SLC44A1: variants seen among roughly 807,000 people sequenced by gnomAD.
The protein encoded by SLC44A1 is solute carrier family 44 member 1.
A neutral mutation model predicts 79.3 loss-of-function variants in SLC44A1; 26 were observed. The ratio of observed to expected loss-of-function variants is 0.33; its 90% CI spans 0.24 to 0.46. The LOEUF (loss-of-function observed/expected upper bound fraction) is 0.46. Among genes scored for constraint, SLC44A1 ranks in the 20% least tolerant of loss-of-function variants. The pLI is 1.00. For synonymous variants in SLC44A1, 263 were observed against 286.2 expected (o/e 0.92, Z 0.82); for missense variants, 688 against 798.1 (o/e 0.86, Z 1.66).
rs547975516 is a variant in SLC44A1, at chr9:105,352,206, A to G, written c.500+3755A>G. Reference sequence around the variant, plus strand: ...TCGTAATTCCTGCCTTTACTGTACTATAGAGATATTGCCAGAATACTTTAT... The same window carrying G: ...TCGTAATTCCTGCCTTTACTGTACTGTAGAGATATTGCCAGAATACTTTAT... On this transcript the variant is annotated intron_variant, in intron 5 of 15. Transcript: ENST00000374720. Among the ~76,000 whole-genome samples the G allele has an allele frequency of 1.4e-3, 209 of 152,354 alleles. 1 individual carries two copies. The highest frequency in any genetic ancestry group is 4.7e-3 in the African/African-American group (196 of 41,586).
chr9:105,344,739 G>T (rs535095157), intron 4 of SLC44A1, among the ~76,000 whole-genome samples: 6 of 152,180 alleles, frequency 3.9e-5, no homozygotes, highest in South Asian at 2.1e-4. Flanking sequence ...AAGGCATAAG[G>T]TTCGAGTTCT....
chr9:105,255,193 T>C (rs1441635260), intron 1 of SLC44A1, among the ~76,000 whole-genome samples: 2 of 151,692 alleles, frequency 1.3e-5, no homozygotes, highest in Non-Finnish European at 2.9e-5. Context: ...ATAAAATGCA[T>C]CCTTGCAATA....
chr9:105,409,137 CAG>C (rs1829065206), intron 15 of SLC44A1, among the ~76,000 whole-genome samples: 1 of 152,148 alleles, frequency 6.6e-6, no homozygotes, highest in African/African-American at 2.4e-5. Flanking sequence ...AGTTAAAAGG[CAG>C]AGTTAGTGGC....
At chr9:105,338,407 GT>G (rs1175353344) in intron 4 of SLC44A1, among the ~76,000 whole-genome samples, 1 of 151,846 alleles carries the variant, frequency 6.6e-6, no homozygotes, top group Admixed American at 6.6e-5. Flanking sequence ...AAGTTATCTG[GT>G]TTTTTTCTTT....
intron 12 of SLC44A1, among the ~76,000 whole-genome samples, chr9:105,370,398 G>C (rs1226494965): frequency 6.6e-6 from 1 of 152,080 alleles, no homozygotes; most frequent in Admixed American, 6.5e-5. Context: ...TGAATACAAA[G>C]GAATTGCATA....
At chr9:105,427,463 A>C (rs1466145595) in intron 15 of SLC44A1, among the ~76,000 whole-genome samples, 1 of 152,096 alleles carries the variant, frequency 6.6e-6, no homozygotes, top group Non-Finnish European at 1.5e-5. Flanking sequence ...TTATAGAGAC[A>C]GAGGTCTCAC....
chr9:105,248,990 TG>T (rs1333254312), intron 1 of SLC44A1, among the ~76,000 whole-genome samples: 2 of 152,220 alleles, frequency 1.3e-5, no homozygotes, highest in Admixed American at 6.5e-5. Context: ...TGAAGTTCTG[TG>T]TCCTTCAGTT....
At chr9:105,299,869 T>A in intron 2 of SLC44A1, 1 of 986,112 alleles carries the variant, frequency 1.0e-6, no homozygotes, top group Non-Finnish European at 1.2e-6. Flanking sequence ...ATCTTTCAAT[T>A]AGAGATCAAG....
intron 15 of SLC44A1, among the ~76,000 whole-genome samples, chr9:105,435,038 T>G (rs919077840): frequency 6.6e-5 from 10 of 151,960 alleles, no homozygotes; most frequent in African/African-American, 2.2e-4. Context: ...CCCCAGCTAC[T>G]CAGAAGGCTG....
Position 105,393,323 on chromosome 9 carries a change from C to G in SLC44A1, c.*4267C>G, listed in dbSNP as rs934556512. The G allele has an allele frequency of 1.0e-6, 1 of 985,264 alleles. No individual in the cohort carries two copies. The highest frequency in any genetic ancestry group is 1.2e-6 in the Non-Finnish European group (1 of 829,922). The allele number at this position is 985,264 out of a possible 1,614,324, so 61.0% of individuals were successfully genotyped here. A position where few individuals can be genotyped will look rare whatever the true frequency, so the allele number is the denominator to read the frequency against. ...ACTCATCTTTGTTAACTTAGTGGCA[C>G]ATAGTCCAAATTTTTAAAAAGCAAG... On this transcript the variant is annotated 3_prime_UTR_variant, in exon 16 of 16. Coordinates refer to ENST00000374720, the MANE Select transcript of SLC44A1 (RefSeq NM_080546.5).
Position 105,361,315 on chromosome 9 carries a change from AGCTACAGT to A in SLC44A1, c.887_894del (p.Ala296ValfsTer71). On this transcript the variant is annotated frameshift_variant, in exon 8 of 16. Transcript: ENST00000374720. LOFTEE classifies it high-confidence loss of function. Reference sequence around the variant, plus strand: ...GGGCCCTCCTCATTTATGCCATTTCAGCTACAGTGTTCACAGTGAGTTTAGGCTTTGGC... The same window carrying A: ...GGGCCCTCCTCATTTATGCCATTTCAGTTCACAGTGAGTTTAGGCTTTGGC... 6.2e-7 allele frequency: 1 copy of A among 1,610,464 alleles called. No individual in the cohort carries two copies. The highest frequency in any genetic ancestry group is 8.5e-7 in the Non-Finnish European group (1 of 1,178,600).
intron 1 of SLC44A1, among the ~76,000 whole-genome samples, chr9:105,255,826 A>G (rs1158946898): frequency 6.6e-6 from 1 of 152,230 alleles, no homozygotes; most frequent in African/African-American, 2.4e-5. Context: ...GAGTTTCACC[A>G]GCTATAAAAT....
chr9:105,390,042 A>G lies in SLC44A1; in HGVS notation c.*986A>G, dbSNP rs1588861727. On this transcript the variant is annotated 3_prime_UTR_variant, in exon 16 of 16. Coordinates refer to ENST00000374720, the MANE Select transcript of SLC44A1 (RefSeq NM_080546.5). The stretch of plus-strand genomic sequence containing the variant: ...CGGCCATTTTATTCAAATGCTTGCT[A>G]TACAATCTGAAAACACACTGGCAGG... The G allele has an allele frequency of 2.0e-5, 26 of 1,313,810 alleles. No individual in the cohort carries two copies. The South Asian group carries it at 6.3e-4, about 32-fold the overall frequency. The allele number at this position is 1,313,810 out of a possible 1,614,324, so 81.4% of individuals were successfully genotyped here.
intron 13 of SLC44A1, among the ~76,000 whole-genome samples, chr9:105,376,905 A>C (rs886132958): frequency 5.1e-4 from 78 of 152,276 alleles, no homozygotes; most frequent in African/African-American, 1.8e-3. Flanking sequence ...AAATTGGCCA[A>C]ATTTAGAGAA....
At chr9:105,397,632 A>G (rs1828900672), downstream of SLC44A1, among the ~76,000 whole-genome samples, 1 of 152,196 alleles carries the variant, frequency 6.6e-6, no homozygotes, top group Non-Finnish European at 1.5e-5. Flanking sequence ...ACTGAACTCA[A>G]TCATCAGGCA....
intron 3 of SLC44A1, among the ~76,000 whole-genome samples, chr9:105,310,876 G>A (rs547311384): frequency 6.6e-6 from 1 of 152,314 alleles, no homozygotes; most frequent in Admixed American, 6.5e-5. Context: ...AAACAAAATT[G>A]TAAATAACAG....
At chr9:105,342,027 A>T (rs976889871) in intron 4 of SLC44A1, among the ~76,000 whole-genome samples, 9 of 152,206 alleles carry the variant, frequency 5.9e-5, no homozygotes, top group African/African-American at 2.2e-4. Flanking sequence ...TCAGCAGGGC[A>T]TGAATTCCAT....
chr9:105,308,232 A>G (rs1831084163), intron 2 of SLC44A1, among the ~76,000 whole-genome samples: 2 of 152,202 alleles, frequency 1.3e-5, no homozygotes, highest in Non-Finnish European at 2.9e-5. Context: ...CCCTTATAGC[A>G]TATTCTCATT....
intron 15 of SLC44A1, among the ~76,000 whole-genome samples, chr9:105,435,168 A>C (rs375955818): frequency 1.4e-4 from 22 of 152,112 alleles, no homozygotes; most frequent in East Asian, 9.6e-4. Flanking sequence ...CAAAACAAAA[A>C]AAAAAAAGGA....
Sources: allele counts gnomAD v4.1 joint callset (sites outside exome capture counted in the v4.1 genomes callset), GRCh38; gene constraint gnomAD v4.1.1; transcripts MANE v1.5; gene names NCBI Gene and HGNC (gene_info 2026-07-23, HGNC 2026-07-21).